Variants in LRP1B observed in about 807,000 individuals in gnomAD.
The protein encoded by LRP1B is low-density lipoprotein receptor-related protein 1B.
Under a neutral mutation model 556.6 loss-of-function variants are expected in LRP1B, and 217 were observed. That is an observed-to-expected ratio of 0.39 (90% CI 0.35 to 0.44). The LOEUF is 0.44. LRP1B is among the 20% of genes least tolerant of loss of function. LRP1B has a pLI of 1.00. For synonymous variants in LRP1B, 2,047 were observed against 1,865.8 expected, an observed-to-expected ratio of 1.10 and a Z score of -2.50; for missense variants, 5,053 against 5,620.8, an observed-to-expected ratio of 0.90 and a Z score of 3.23.
chr2:141,096,619 GGGGAGAGGGGGAGAGAGAGAGAGAGA>G (rs1700311939), intron 7 of LRP1B, among the ~76,000 whole-genome samples: 1 of 33,996 alleles, frequency 2.9e-5, no homozygotes, highest in Non-Finnish European at 5.5e-5. Context: ...TGACAAAGAC[GGGGAGAGGGGGAGAGAGAGAGAGAGA>G]GAGAGAGAGA....
At chr2:141,559,044 G>A (rs1198302906) in intron 2 of LRP1B, among the ~76,000 whole-genome samples, 5 of 151,232 alleles carry the variant, frequency 3.3e-5, no homozygotes, top group Non-Finnish European at 5.9e-5. Flanking sequence ...AAGAAAAAAC[G>A]ATTGCTAAAA....
chr2:140,680,647 C>A (rs956233493), intron 41 of LRP1B, among the ~76,000 whole-genome samples: 1 of 152,140 alleles, frequency 6.6e-6, no homozygotes, highest in Admixed American at 6.5e-5. Context: ...ATTGCATCAT[C>A]ATGAGTGATG....
intron 56 of LRP1B, among the ~76,000 whole-genome samples, chr2:140,493,503 G>T (rs74481305): frequency 2.2e-4 from 33 of 152,076 alleles, no homozygotes; most frequent in African/African-American, 7.5e-4. Context: ...TGGATAATTT[G>T]ACGTCAATTT....
chr2:140,788,884 C>T (rs1168745575), intron 32 of LRP1B, among the ~76,000 whole-genome samples: 1 of 152,124 alleles, frequency 6.6e-6, no homozygotes, highest in Non-Finnish European at 1.5e-5. Flanking sequence ...GGAAAGATAT[C>T]CTTCTAAGAA....
At chr2:141,158,822 T>C (rs1401224458) in intron 7 of LRP1B, among the ~76,000 whole-genome samples, 1 of 152,160 alleles carries the variant, frequency 6.6e-6, no homozygotes, top group African/African-American at 2.4e-5. Context: ...AGCTCCTCAT[T>C]TAGAGATTAT....
intron 2 of LRP1B, among the ~76,000 whole-genome samples, chr2:141,522,923 T>C (rs1034337602): frequency 2.6e-5 from 4 of 152,132 alleles, no homozygotes; most frequent in Non-Finnish European, 5.9e-5. Flanking sequence ...ACTAATGACA[T>C]AGACAGATCC....
intron 15 of LRP1B, among the ~76,000 whole-genome samples, 167 bp from the exon 16 acceptor site, chr2:140,994,302 G>T (rs1697179212): frequency 6.6e-6 from 1 of 151,734 alleles, no homozygotes; most frequent in Non-Finnish European, 1.5e-5. Context: ...TGTCATCCAG[G>T]TTCATCCAAG....
intron 53 of LRP1B, among the ~76,000 whole-genome samples, chr2:140,503,430 G>A (rs1558927573): frequency 6.6e-6 from 1 of 152,076 alleles, no homozygotes; most frequent in Non-Finnish European, 1.5e-5. Context: ...GAAAGTGAAA[G>A]CTATTAGAAT....
At chr2:141,256,699 C>T (rs1454716981) in intron 3 of LRP1B, among the ~76,000 whole-genome samples, 2 of 151,922 alleles carry the variant, frequency 1.3e-5, no homozygotes, top group Non-Finnish European at 2.9e-5. Context: ...TTAAGTACAA[C>T]AGAAGTACTA....
chr2:140,779,823 T>C (rs982466439), intron 32 of LRP1B, among the ~76,000 whole-genome samples: 1 of 146,654 alleles, frequency 6.8e-6, no homozygotes, highest in Non-Finnish European at 1.5e-5. Flanking sequence ...TAAATTTACC[T>C]CCCATGAACT....
intron 3 of LRP1B, among the ~76,000 whole-genome samples, chr2:141,415,856 C>T (rs1439406650): frequency 6.6e-6 from 1 of 152,040 alleles, no homozygotes; most frequent in Non-Finnish European, 1.5e-5. Flanking sequence ...TCTCAAGGTG[C>T]TAAAACTATT....
At chr2:142,072,120 G>C (rs112394730) in intron 1 of LRP1B, among the ~76,000 whole-genome samples, 4 of 152,050 alleles carry the variant, frequency 2.6e-5, no homozygotes, top group African/African-American at 9.6e-5. Flanking sequence ...GCACAGATCA[G>C]CACTACCTAA....
chr2:141,199,143 C>A (rs1681887052), intron 6 of LRP1B, among the ~76,000 whole-genome samples: 1 of 152,098 alleles, frequency 6.6e-6, no homozygotes, highest in Non-Finnish European at 1.5e-5. Context: ...CAGTAGATTG[C>A]AGTGAAGAAA....
intron 41 of LRP1B, among the ~76,000 whole-genome samples, chr2:140,645,167 G>A (rs1574185255): frequency 6.6e-6 from 1 of 151,924 alleles, no homozygotes; most frequent in Admixed American, 6.6e-5. Flanking sequence ...TTTCTTCAAT[G>A]CCCATTTCAT....
At chr2:141,586,010 G>A (rs1299158906) in intron 2 of LRP1B, among the ~76,000 whole-genome samples, 1 of 152,000 alleles carries the variant, frequency 6.6e-6, no homozygotes, top group Non-Finnish European at 1.5e-5. Flanking sequence ...GAACCACAAT[G>A]CCTGGCTAGA....
intron 23 of LRP1B, among the ~76,000 whole-genome samples, chr2:140,896,274 A>G (rs1693951058): frequency 6.6e-6 from 1 of 152,124 alleles, no homozygotes; most frequent in South Asian, 2.1e-4. Context: ...TATATTAAAT[A>G]GAAAATAAAA....
chr2:141,188,190 A>G (rs1681345561), intron 7 of LRP1B, among the ~76,000 whole-genome samples: 2 of 151,994 alleles, frequency 1.3e-5, no homozygotes, highest in African/African-American at 4.8e-5. Context: ...GGAAGATGGA[A>G]GGTTATTTGT....
At chr2:140,483,633 T>TAC (rs1688339521) in intron 59 of LRP1B, among the ~76,000 whole-genome samples, 1 of 50,710 alleles carries the variant, frequency 2.0e-5, no homozygotes, top group Non-Finnish European at 4.3e-5. Context: ...TATATATATA[T>TAC]ATATATATTT....
chr2:140,833,705 T>C (rs1212574056), intron 31 of LRP1B, among the ~76,000 whole-genome samples: 1 of 152,182 alleles, frequency 6.6e-6, no homozygotes, highest in Non-Finnish European at 1.5e-5. Context: ...TATACATATA[T>C]ACACACCCAT....
Sources: allele counts gnomAD v4.1 joint callset (sites outside exome capture counted in the v4.1 genomes callset), GRCh38; gene constraint gnomAD v4.1.1; transcripts MANE v1.5; gene names NCBI Gene and HGNC (gene_info 2026-07-23, HGNC 2026-07-21).